GAS2: variants seen among roughly 807,000 people sequenced by gnomAD.
GAS2 encodes the protein growth arrest specific 2.
In GAS2, 20 loss-of-function variants were observed where a neutral mutation model predicts 37.5. That is an observed-to-expected ratio of 0.53 (90% CI 0.37 to 0.77). The LOEUF (loss-of-function observed/expected upper bound fraction) is 0.77, where lower values mean the gene tolerates loss of function less well. Ranked by LOEUF, GAS2 falls within the 30% of genes least tolerant of loss-of-function variation. The probability of loss-of-function intolerance (pLI) is 0.00; values close to 1 mark genes in which losing one functional copy is unlikely to be tolerated. For missense variants in GAS2, 336 were observed against 373.4 expected (o/e 0.90, Z 0.82); for synonymous variants, 144 against 132.2 (o/e 1.09, Z -0.61).
At position 22,784,563 on chromosome 11, in the gene GAS2, C is replaced by T. The variant is rs79314799; in HGVS notation, c.724-27235C>T. Reference sequence around the variant, plus strand: ...AGGTGATTATACGTTAAGAGCCTGGCATATAATAGTCATTGCTCACAATGT... The same window carrying T: ...AGGTGATTATACGTTAAGAGCCTGGTATATAATAGTCATTGCTCACAATGT... On this transcript the variant is annotated intron_variant, in intron 7 of 7. Coordinates refer to ENST00000454584, the MANE Select transcript of GAS2 (RefSeq NM_001143830.3). 3.4e-3 allele frequency among the ~76,000 whole-genome samples: 525 copies of T among 152,194 alleles called. 5 individuals carry two copies. Among genetic ancestry groups the T allele is most frequent in the African/African-American group, 0.012 (494 of 41,496 alleles).
intron 7 of GAS2, among the ~76,000 whole-genome samples, chr11:22,766,117 A>C (rs983437206): frequency 6.6e-6 from 1 of 152,252 alleles, no homozygotes; most frequent in African/African-American, 2.4e-5. Context: ...CCCACCTTCA[A>C]CATTGCGGAT....
At chr11:22,687,834 A>T (rs924435115) in intron 3 of GAS2, among the ~76,000 whole-genome samples, 1 of 152,108 alleles carries the variant, frequency 6.6e-6, no homozygotes, top group African/African-American at 2.4e-5. Context: ...TGGTGCCCAG[A>T]CTCTTGAAAG....
intron 1 of GAS2, among the ~76,000 whole-genome samples, chr11:22,647,623 T>A (rs1411132665): frequency 6.6e-6 from 1 of 152,210 alleles, no homozygotes; most frequent in Non-Finnish European, 1.5e-5. Flanking sequence ...TTCTAACTGG[T>A]GTGAGACGGT....
At chr11:22,690,556 T>G (rs557368052) in intron 3 of GAS2, among the ~76,000 whole-genome samples, 1 of 152,314 alleles carries the variant, frequency 6.6e-6, no homozygotes, top group South Asian at 2.1e-4. Context: ...ATGTGTAATT[T>G]TATTTAATTC....
intron 1 of GAS2, among the ~76,000 whole-genome samples, chr11:22,630,628 T>C (rs544534495): frequency 2.6e-5 from 4 of 152,344 alleles, no homozygotes; most frequent in African/African-American, 4.8e-5. Flanking sequence ...TGCCAATTTA[T>C]GTTTTTGTAT....
In GAS2 at chr11:22,707,507, A is replaced by G. The variant is rs138650670; in HGVS notation, c.268-18785A>G. Among the ~76,000 whole-genome samples, 1,124 of 152,296 alleles carry G rather than the reference A, an allele frequency of 7.4e-3. 21 individuals are homozygous for G. The highest frequency in any genetic ancestry group is 0.026 in the African/African-American group (1,065 of 41,572). ...GACTCTCAGCTGATCTAGACATACCATTGTTTAGACAGACCTCTGCTGATA... is the reference window on the plus strand; with the variant it reads ...GACTCTCAGCTGATCTAGACATACCGTTGTTTAGACAGACCTCTGCTGATA... On this transcript the variant is annotated intron_variant, in intron 3 of 7. Transcript: ENST00000454584.
chr11:22,741,959 T>G (rs1853110665), intron 5 of GAS2, among the ~76,000 whole-genome samples: 1 of 152,100 alleles, frequency 6.6e-6, no homozygotes, highest in Admixed American at 6.5e-5. Context: ...TCTAGACTAC[T>G]AAATAGTTTG....
intron 7 of GAS2, among the ~76,000 whole-genome samples, chr11:22,759,136 C>A (rs73482125): frequency 1.3e-5 from 2 of 151,918 alleles, no homozygotes; most frequent in African/African-American, 4.8e-5. Context: ...GATACAGTAA[C>A]AACAACTATG....
At chr11:22,675,161 C>T (rs753866495) in intron 2 of GAS2, 147 bp downstream of exon 2, 2 of 796,848 alleles carry the variant, frequency 2.5e-6, no homozygotes, top group Non-Finnish European at 3.8e-6. Context: ...AAACCTGAAG[C>T]AGGTGGAAAA....
chr11:22,693,427 T>C (rs1037065463), intron 3 of GAS2, among the ~76,000 whole-genome samples: 1 of 152,190 alleles, frequency 6.6e-6, no homozygotes, highest in Admixed American at 6.6e-5. Flanking sequence ...CATGTCAATC[T>C]TTTTTTACTG....
chr11:22,677,024 T>A (rs1849458046), intron 2 of GAS2, among the ~76,000 whole-genome samples: 1 of 152,212 alleles, frequency 6.6e-6, no homozygotes, highest in African/African-American at 2.4e-5. Context: ...CAGACAGTCA[T>A]CTAGGTACTA....
At chr11:22,701,467 T>G (rs1169463523) in intron 3 of GAS2, among the ~76,000 whole-genome samples, 1 of 152,092 alleles carries the variant, frequency 6.6e-6, no homozygotes, top group Non-Finnish European at 1.5e-5. Context: ...AGGAGTTTAC[T>G]CTCTATTAGG....
chr11:22,768,271 A>G (rs986264665), intron 7 of GAS2, among the ~76,000 whole-genome samples: 1 of 152,358 alleles, frequency 6.6e-6, no homozygotes, highest in East Asian at 1.9e-4. Context: ...TTACTAAAAC[A>G]ACAACAACAA....
chr11:22,731,052 T>A (rs1852449902), intron 4 of GAS2, among the ~76,000 whole-genome samples: 1 of 151,788 alleles, frequency 6.6e-6, no homozygotes. Context: ...GATGCTTTTA[T>A]GTCATTTTTT....
At chr11:22,671,274 T>A (rs551667051) in intron 1 of GAS2, among the ~76,000 whole-genome samples, 1 of 152,232 alleles carries the variant, frequency 6.6e-6, no homozygotes, top group East Asian at 1.9e-4. Flanking sequence ...TGCATGTTTT[T>A]CTCTTGAAGT....
chr11:22,726,177 A>G (rs1852203174), intron 3 of GAS2, 115 bp from the exon 4 acceptor site: 8 of 1,018,810 alleles, frequency 7.9e-6, no homozygotes, highest in Non-Finnish European at 1.1e-5. Context: ...GTTCTTTGCA[A>G]ACCTACTTAT....
At chr11:22,743,637 A>C (rs762931199) in intron 5 of GAS2, among the ~76,000 whole-genome samples, 12 of 152,062 alleles carry the variant, frequency 7.9e-5, no homozygotes, top group Non-Finnish European at 1.5e-4. Context: ...GCTACAACAG[A>C]CCTTGAGAAC....
intron 5 of GAS2, among the ~76,000 whole-genome samples, chr11:22,738,811 A>G (rs1269234970): frequency 1.3e-5 from 2 of 152,226 alleles, no homozygotes; most frequent in African/African-American, 4.8e-5. Context: ...CATCATATCA[A>G]TATAATCTTC....
rs979007400 is a variant in GAS2 at position 22,757,875 on chromosome 11, A to T, written c.723+1922A>T. 8.1e-5 allele frequency among the ~76,000 whole-genome samples: 12 copies of T among 147,984 alleles called. 1 individual carries two copies. Among genetic ancestry groups the T allele is most frequent in the Non-Finnish European group, 1.4e-4 (9 of 65,724 alleles). The stretch of plus-strand genomic sequence containing the variant: ...CACCCTGAAGGAGTAATATGATTCT[A>T]AAAAAGGCTCCTGTCTATGTGTCTG... On this transcript the variant is annotated intron_variant, in intron 7 of 7. Transcript: ENST00000454584.
Sources: gnomAD v4.1 joint callset for allele counts (sites outside exome capture counted in the v4.1 genomes callset) on GRCh38, gnomAD v4.1.1 for gene constraint, MANE v1.5 for transcripts, NCBI Gene and HGNC (gene_info 2026-07-23, HGNC 2026-07-21) for gene names.